The following ASMTL variants were observed in gnomAD, a reference collection of about 807,000 sequenced individuals.
ASMTL encodes probable bifunctional dTTP/UTP pyrophosphatase/methyltransferase protein.
ASMTL carries 57 observed loss-of-function variants against 60.3 expected under a neutral mutation model. That is an observed-to-expected ratio of 0.95 (90% CI 0.76 to 1.18). ASMTL has a LOEUF of 1.18. ASMTL is among the 50% of genes most tolerant of loss of function. The pLI, the probability that ASMTL is intolerant of heterozygous loss-of-function variation, is 0.00. For missense variants in ASMTL, 981 were observed against 852.6 expected, an observed-to-expected ratio of 1.15 and a Z score of -1.88; for synonymous variants, 419 against 373.0, an observed-to-expected ratio of 1.12 and a Z score of -1.42.
rs150172882 is a variant in ASMTL, at chrX:1,414,554, A to G, written c.1523-1700T>C. ...GAAACCCCATCTGTACTAAAAATAC[A>G]AAAGTTAGCCAGGCGTGGTGGCGGG... On this transcript the variant is annotated intron_variant, in intron 11 of 12. Transcript: ENST00000381317. Among the ~76,000 whole-genome samples the G allele has an allele frequency of 6.0e-4, 91 of 152,190 alleles. 2 individuals are homozygous for G. The East Asian group carries it at 0.014, about 23-fold the overall frequency.
Position 1,418,052 on chromosome X carries a change from A to G in ASMTL, c.1443T>C (p.Phe481=). ...REYPRMQVTV[F]DLPDIIELAA... is the part of the protein sequence containing the mutation. The stretch of plus-strand genomic sequence containing the variant: ...CCAGCTCGATAATGTCTGGGAGGTC[A>G]AACACAGTCACCTGCATACGAGGGT... Residue 481 remains phenylalanine, a synonymous_variant, in exon 11 of 13, where the codon TTT becomes TTC. Coordinates refer to ENST00000381317, the MANE Select transcript of ASMTL (RefSeq NM_004192.4). 2 of 1,613,580 alleles carry G rather than the reference A, an allele frequency of 1.2e-6. No homozygotes were observed. Among genetic ancestry groups the G allele is most frequent in the Non-Finnish European group, 1.7e-6 (2 of 1,179,632 alleles).
At chrX:1,435,588 C>A in intron 4 of ASMTL, 106 bp downstream of exon 4, 1 of 1,082,136 alleles carries the variant, frequency 9.2e-7, no homozygotes, top group Non-Finnish European at 1.4e-6. Flanking sequence ...GCTCAGACGG[C>A]AGAGCTGACA....
intron 8 of ASMTL, among the ~76,000 whole-genome samples, chrX:1,422,218 C>T (rs1471438824): frequency 3.3e-5 from 5 of 152,080 alleles, no homozygotes; most frequent in Admixed American, 2.6e-4. Context: ...CTGTAGCTGG[C>T]GTTTGCATCT....
chrX:1,433,227 C>T (rs1232422210), intron 5 of ASMTL, among the ~76,000 whole-genome samples: 4 of 152,040 alleles, frequency 2.6e-5, no homozygotes, highest in Non-Finnish European at 5.9e-5. Context: ...TGGTGACAAG[C>T]CCCTTTCATC....
intron 1 of ASMTL, among the ~76,000 whole-genome samples, chrX:1,443,308 A>G (rs1232065181): frequency 7.5e-5 from 1 of 13,338 alleles, no homozygotes; most frequent in Non-Finnish European, 5.8e-4. Flanking sequence ...CATCTTGGAC[A>G]CACACCGCCA....
At chrX:1,418,705 A>G (rs569568010) in intron 10 of ASMTL, among the ~76,000 whole-genome samples, 2 of 152,162 alleles carry the variant, frequency 1.3e-5, no homozygotes, top group Middle Eastern at 3.4e-3. Flanking sequence ...ATATAATCAG[A>G]CTTGCTGAGG....
chrX:1,435,221 C>T (rs1246760107), intron 4 of ASMTL, 138 bp from the exon 5 acceptor site: 16 of 901,002 alleles, frequency 1.8e-5, no homozygotes, highest in South Asian at 2.9e-5. Flanking sequence ...CCGATCGTCC[C>T]GCTGTGGGGT....
At chrX:1,417,518 G>A (rs28656406) in intron 11 of ASMTL, among the ~76,000 whole-genome samples, 1 of 30,350 alleles carries the variant, frequency 3.3e-5, no homozygotes, top group African/African-American at 7.3e-5. Flanking sequence ...TACAGACACA[G>A]ACATGCACAC....
chrX:1,417,404 AC>A (rs1264420506), intron 11 of ASMTL, among the ~76,000 whole-genome samples: 7 of 22,206 alleles, frequency 3.2e-4, no homozygotes, highest in African/African-American at 3.8e-4. Flanking sequence ...ACTTGCAGAC[AC>A]GTGGACACAC....
intron 11 of ASMTL, among the ~76,000 whole-genome samples, chrX:1,417,523 G>GCGCA (rs1556657003): frequency 1.3e-5 from 2 of 149,086 alleles, no homozygotes; most frequent in Non-Finnish European, 3.0e-5. Context: ...ACACAGACAT[G>GCGCA]CACACACACA....
At chrX:1,442,849 G>A (rs1207819863) in intron 1 of ASMTL, among the ~76,000 whole-genome samples, 1 of 152,190 alleles carries the variant, frequency 6.6e-6, no homozygotes. Flanking sequence ...TAGAGGTAGT[G>A]ACCCCTGCAG....
chrX:1,453,090 G>A (rs762816007), upstream of ASMTL, among the ~76,000 whole-genome samples: 1 of 128,588 alleles, frequency 7.8e-6, no homozygotes, highest in African/African-American at 4.7e-5. Flanking sequence ...TCTCCACCAG[G>A]CCACGCCCAT....
At chrX:1,435,614 C>G (rs2090941623) in intron 4 of ASMTL, 80 bp downstream of exon 4, 1 of 1,402,300 alleles carries the variant, frequency 7.1e-7, no homozygotes. Context: ...CCACCCTGCT[C>G]CCCAGGACAC....
At chrX:1,425,417 C>T (rs1279141926) in intron 8 of ASMTL, 108 bp downstream of exon 8, 7 of 1,265,642 alleles carry the variant, frequency 5.5e-6, no homozygotes, top group Non-Finnish European at 6.6e-6. Flanking sequence ...GGCAGAGGGA[C>T]AGAAGGTGTG....
chrX:1,413,030 G>A lies in ASMTL; in HGVS notation c.1523-176C>T, dbSNP rs779863137. 1.0e-5 allele frequency: 7 copies of A among 695,352 alleles called. No homozygotes were observed. In the Admixed American group the frequency reaches 1.8e-4, roughly 18 times the overall value. 43.1% of individuals were successfully genotyped at this position (695,352 alleles called of 1,614,324 possible). ...TGGGGACTTGAACAGAGCTCCATGAGGAGCTGGTTAGTGATGTCACGCCCG... is the reference window on the plus strand; with the variant it reads ...TGGGGACTTGAACAGAGCTCCATGAAGAGCTGGTTAGTGATGTCACGCCCG... On this transcript the variant is annotated intron_variant, in intron 11 of 12. Coordinates refer to ENST00000381317, the MANE Select transcript of ASMTL (RefSeq NM_004192.4).
intron 12 of ASMTL, among the ~76,000 whole-genome samples, chrX:1,403,872 A>G (rs1224793752): frequency 2.0e-5 from 3 of 152,060 alleles, no homozygotes; most frequent in Non-Finnish European, 2.9e-5. Context: ...GGGGAGGTAC[A>G]TGGATGGATG....
intron 1 of ASMTL, 89 bp from the exon 2 acceptor site, chrX:1,442,406 C>T (rs778936336): frequency 2.0e-5 from 30 of 1,465,854 alleles, no homozygotes; most frequent in South Asian, 1.3e-4. Flanking sequence ...ACGCACATAG[C>T]GTTTGCTACA....
chrX:1,442,356 G>C, intron 1 of ASMTL, 39 bp from the exon 2 acceptor site: 1 of 1,612,648 alleles, frequency 6.2e-7, no homozygotes, highest in Middle Eastern at 1.7e-4. Context: ...GTCAATGAAA[G>C]ACCCTATGAA....
chrX:1,431,152 A>G (rs2090767568), intron 6 of ASMTL, among the ~76,000 whole-genome samples: 1 of 124,230 alleles, frequency 8.0e-6, no homozygotes, highest in Non-Finnish European at 1.5e-5. Flanking sequence ...ATATAATTAT[A>G]TATAATTTAT....
Sources: allele counts gnomAD v4.1 joint callset (sites outside exome capture counted in the v4.1 genomes callset), GRCh38; gene constraint gnomAD v4.1.1; transcripts MANE v1.5; gene names NCBI Gene and HGNC (gene_info 2026-07-23, HGNC 2026-07-21).